The following MOSPD1 variants were observed in gnomAD, a reference collection of about 807,000 sequenced individuals.
MOSPD1 encodes motile sperm domain containing 1, also known as motile sperm domain-containing protein 1.
MOSPD1 carries 5 observed loss-of-function variants against 16.7 expected under a neutral mutation model. The observed-to-expected ratio is 0.30, with a 90% confidence interval of 0.16 to 0.63. The LOEUF is 0.63. MOSPD1 is among the 30% of genes least tolerant of loss of function. MOSPD1 has a pLI of 0.82. For missense variants in MOSPD1, 104 were observed against 153.6 expected (o/e 0.68, Z 1.71); for synonymous variants, 67 against 59.2 (o/e 1.13, Z -0.61).
At position 134,887,699 on chromosome X, in the gene MOSPD1, A is replaced by T. The variant is rs2082841069; in HGVS notation, c.*1462T>A. The stretch of plus-strand genomic sequence containing the variant: ...CTTTACAATGTGTTATTACACACAC[A>T]CATGTGCACTTGCACACACGTGCAC... On this transcript the variant is annotated 3_prime_UTR_variant, in exon 6 of 6. Transcript: ENST00000370783. The T allele has an allele frequency of 8.8e-6, 1 of 113,672 alleles. No individual in the cohort carries two copies. The highest frequency in any genetic ancestry group is 2.7e-4 in the East Asian group (1 of 3,648). The allele number at this position is 113,672 out of a possible 1,213,427, so 9.4% of individuals were successfully genotyped here. A position where few individuals can be genotyped will look rare whatever the true frequency, so the allele number is the denominator to read the frequency against.
Position 134,888,762 on chromosome X carries a change from C to G in MOSPD1, c.*399G>C, listed in dbSNP as rs2082846538. 8.9e-6 allele frequency: 1 copy of G among 112,430 alleles called. No homozygotes were observed. The highest frequency in any genetic ancestry group is 1.9e-5 in the Non-Finnish European group (1 of 53,596). The allele number at this position is 112,430 out of a possible 1,213,427, so 9.3% of individuals were successfully genotyped here. ...AACATAATAACGCTGATGTTTGTAG[C>G]TAGGGAATAAATGTCATTTTAGTTT... On this transcript the variant is annotated 3_prime_UTR_variant, in exon 6 of 6. Coordinates refer to ENST00000370783, the MANE Select transcript of MOSPD1 (RefSeq NM_019556.3).
intron 3 of MOSPD1, 112 bp from the exon 4 acceptor site, chrX:134,897,146 C>T (rs954403099): frequency 1.4e-5 from 7 of 483,706 alleles, no homozygotes; most frequent in South Asian, 4.4e-5. Flanking sequence ...CAACCAAATA[C>T]TCAAAAACAG....
Position 134,910,905 on chromosome X carries a change from C to G in MOSPD1, c.-102+4277G>C, listed in dbSNP as rs187212101. Among the ~76,000 whole-genome samples the G allele has an allele frequency of 3.2e-3, 361 of 112,358 alleles. 2 individuals carry two copies. The highest frequency in any genetic ancestry group is 8.8e-3 in the South Asian group (24 of 2,715). ...CAAATTCTTGGTTCTCACCCTAGAC[C>G]TACTGAATCAGAAATTCCGGGACTG... On this transcript the variant is annotated intron_variant, in intron 1 of 5. Coordinates refer to ENST00000370783, the MANE Select transcript of MOSPD1 (RefSeq NM_019556.3).
chrX:134,913,155 A>G (rs2082981782), intron 1 of MOSPD1, among the ~76,000 whole-genome samples: 1 of 110,649 alleles, frequency 9.0e-6, no homozygotes, highest in Non-Finnish European at 1.9e-5. Context: ...GGGGCAGATC[A>G]CTTGAGGTCA....
At chrX:134,890,167 C>T in intron 5 of MOSPD1, among the ~76,000 whole-genome samples, 1 of 109,679 alleles carries the variant, frequency 9.1e-6, no homozygotes, top group Middle Eastern at 4.8e-3. Context: ...GAGTAAGGGC[C>T]TGGAGAACCG....
chrX:134,895,781 C>T (rs946841622), intron 4 of MOSPD1, among the ~76,000 whole-genome samples: 2 of 110,460 alleles, frequency 1.8e-5, no homozygotes, highest in African/African-American at 3.3e-5. Flanking sequence ...AAAGTAATTG[C>T]GGATTTTGCA....
chrX:134,911,594 T>C (rs762534701), intron 1 of MOSPD1, among the ~76,000 whole-genome samples: 9 of 112,580 alleles, frequency 8.0e-5, no homozygotes, highest in African/African-American at 2.9e-4. Flanking sequence ...GTGAGTCTTC[T>C]GGTCTGTTTG....
chrX:134,889,184 T>A lies in MOSPD1; in HGVS notation c.619A>T (p.Thr207Ser). Residue 207 changes from threonine to serine, a missense_variant, in exon 6 of 6, where the codon ACA becomes TCA. Transcript: ENST00000370783. ...LVAAYILGLITMAILRT is the reference protein window; with the variant it reads ...LVAAYILGLISMAILRT ...GCTCATGTTCTAAGTATGGCCATTG[T>A]GATAAGACCTGAAAGAAGAAAAATG... 8.4e-7 allele frequency: 1 copy of A among 1,192,101 alleles called. No individual in the cohort carries two copies. The highest frequency in any genetic ancestry group is 1.1e-6 in the Non-Finnish European group (1 of 883,430).
intron 4 of MOSPD1, 31 bp from the exon 5 acceptor site, chrX:134,891,671 T>C (rs1005412767): frequency 8.4e-7 from 1 of 1,193,713 alleles, no homozygotes. Flanking sequence ...CTAAGCTTCC[T>C]TCTAAAAACT....
At chrX:134,893,698 GT>G (rs1180267819) in intron 4 of MOSPD1, among the ~76,000 whole-genome samples, 18 of 108,387 alleles carry the variant, frequency 1.7e-4, no homozygotes, top group African/African-American at 5.7e-4. Context: ...TTATATAACT[GT>G]TTTTTTTTCC....
At chrX:134,901,186 G>A (rs1365538629) in intron 1 of MOSPD1, among the ~76,000 whole-genome samples, 1 of 111,881 alleles carries the variant, frequency 8.9e-6, no homozygotes, top group Admixed American at 9.6e-5. Context: ...AAGCTGAGCA[G>A]AGATACAAAG....
chrX:134,901,745 GAAC>G (rs2082912353), intron 1 of MOSPD1, among the ~76,000 whole-genome samples: 2 of 111,691 alleles, frequency 1.8e-5, no homozygotes, highest in Non-Finnish European at 3.8e-5. Context: ...CAGACCAAGG[GAAC>G]AACAAAGGCA....
At chrX:134,914,859 T>C (rs779336502) in intron 1 of MOSPD1, among the ~76,000 whole-genome samples, 2 of 112,073 alleles carry the variant, frequency 1.8e-5, no homozygotes, top group African/African-American at 6.5e-5. Flanking sequence ...GCAACCGAAC[T>C]CCGTCGGGCA....
Position 134,899,271 on chromosome X carries a change from G to A in MOSPD1, c.154+9C>T, listed in dbSNP as rs1185370050. ...TTAAAAACCCAGAAAATAGAGCTAGGAGACTCACCTTTGAACTTTAAGGCA... is the reference window on the plus strand; with the variant it reads ...TTAAAAACCCAGAAAATAGAGCTAGAAGACTCACCTTTGAACTTTAAGGCA... On this transcript the variant is annotated intron_variant, in intron 2 of 5. Transcript: ENST00000370783. The A allele has an allele frequency of 8.5e-6, 10 of 1,177,399 alleles. No individual in the cohort carries two copies. The Admixed American group carries it at 1.8e-4, about 21-fold the overall frequency.
rs747290712 is a variant in MOSPD1 at position 134,903,860 on chromosome X, G to A, written c.-101-4326C>T. Among the ~76,000 whole-genome samples, 36 of 110,722 alleles carry A rather than the reference G, an allele frequency of 3.3e-4. No homozygotes were observed. The East Asian group carries it at 9.9e-3, about 31-fold the overall frequency. On this transcript the variant is annotated intron_variant, in intron 1 of 5. Coordinates refer to ENST00000370783, the MANE Select transcript of MOSPD1 (RefSeq NM_019556.3). ...TTGAGACCAGCCTGGCCAACATGGT[G>A]AAACCCGTCTCTACTAAAAATACAG...
At chrX:134,909,905 T>A (rs748288471) in intron 1 of MOSPD1, among the ~76,000 whole-genome samples, 2 of 109,806 alleles carry the variant, frequency 1.8e-5, no homozygotes, top group East Asian at 2.8e-4. Flanking sequence ...TTAAGATTTT[T>A]AAAAAAAAGA....
In MOSPD1 at chrX:134,896,881, T is replaced by C. The variant is rs1256862940; in HGVS notation, c.384A>G (p.Glu128=). ...AATGTTCCTTTAATCTTTTTTCCTC[T>C]TCTTCCTTTTGTTGTTCTTTTGCTG... ...LPSAKEQQKE[E]EEKRLKEHLT... is the part of the protein sequence containing the mutation. The change falls in exon 4 of 6, where the codon GAA becomes GAG. Residue 128 remains glutamate, a synonymous_variant. Coordinates refer to ENST00000370783, the MANE Select transcript of MOSPD1 (RefSeq NM_019556.3). The C allele has an allele frequency of 8.3e-7, 1 of 1,211,339 alleles. No homozygotes were observed. The highest frequency in any genetic ancestry group is 1.8e-5 in the South Asian group (1 of 56,981).
chrX:134,892,123 C>T (rs941265666), intron 4 of MOSPD1, among the ~76,000 whole-genome samples: 2 of 111,616 alleles, frequency 1.8e-5, no homozygotes, highest in African/African-American at 6.5e-5. Flanking sequence ...TTTGAGCCTG[C>T]CACACTAGAC....
At position 134,889,168 on chromosome X, in the gene MOSPD1, C is replaced by CT; in HGVS notation, c.634dup (p.Arg212LysfsTer9). On this transcript the variant is annotated frameshift_variant, in exon 6 of 6. Coordinates refer to ENST00000370783, the MANE Select transcript of MOSPD1 (RefSeq NM_019556.3). LOFTEE classifies it high-confidence loss of function. ...GTCAATTGAAATCCTTGCTCATGTT[C>CT]TAAGTATGGCCATTGTGATAAGACC... The CT allele has an allele frequency of 8.4e-7, 1 of 1,195,380 alleles. No homozygotes were observed. The highest frequency in any genetic ancestry group is 1.1e-6 in the Non-Finnish European group (1 of 886,114).
Sources: allele counts gnomAD v4.1 joint callset (sites outside exome capture counted in the v4.1 genomes callset), GRCh38; gene constraint gnomAD v4.1.1; transcripts MANE v1.5; gene names NCBI Gene and HGNC (gene_info 2026-07-23, HGNC 2026-07-21).